The following ARL15 variants were observed in gnomAD, a reference collection of about 807,000 sequenced individuals.
ARL15 encodes the protein ADP-ribosylation factor-like protein 15.
A neutral mutation model predicts 25.2 loss-of-function variants in ARL15; 19 were observed. That is an observed-to-expected ratio of 0.75 (90% confidence interval 0.53 to 1.10). The LOEUF (loss-of-function observed/expected upper bound fraction) is 1.10. ARL15 is among the 50% of genes least tolerant of loss of function. The probability of loss-of-function intolerance (pLI) is 0.00; values close to 1 mark genes in which losing one functional copy is unlikely to be tolerated. For missense variants in ARL15, 220 were observed against 246.0 expected, an observed-to-expected ratio of 0.89 and a Z score of 0.71; for synonymous variants, 94 against 86.8, an observed-to-expected ratio of 1.08 and a Z score of -0.46.
chr5:53,930,125 AAAAAT>A (rs1382301059), intron 4 of ARL15, among the ~76,000 whole-genome samples: 2 of 152,344 alleles, frequency 1.3e-5, no homozygotes, highest in Middle Eastern at 3.4e-3. Flanking sequence ...TACAATAATA[AAAAAT>A]AAAATATTTT....
At chr5:54,310,135 C>A (rs750269879) in intron 1 of ARL15, among the ~76,000 whole-genome samples, 8 of 152,204 alleles carry the variant, frequency 5.3e-5, no homozygotes, top group Non-Finnish European at 1.2e-4. Context: ...GGAAGCCGAT[C>A]GCGGGCAGGG....
chr5:54,053,522 T>C (rs994944006), intron 4 of ARL15, among the ~76,000 whole-genome samples: 1 of 152,094 alleles, frequency 6.6e-6, no homozygotes, highest in African/African-American at 2.4e-5. Context: ...AGAGTGGCTC[T>C]AGAGTGGAAA....
chr5:53,947,147 CA>C (rs1746766082), intron 4 of ARL15, among the ~76,000 whole-genome samples: 1 of 139,026 alleles, frequency 7.2e-6, no homozygotes, highest in Non-Finnish European at 1.5e-5. Flanking sequence ...AAGGTCTAGC[CA>C]AAGAGAAAAA....
rs908513879 is a variant in ARL15, at chr5:54,221,868, C to A, written c.49-49940G>T. The stretch of plus-strand genomic sequence containing the variant: ...ACACACACACACACACACACACACA[C>A]ACAAAACCCTCATGCACATGTGTGC... On this transcript the variant is annotated intron_variant, in intron 1 of 4. Transcript: ENST00000504924. 6.6e-3 allele frequency among the ~76,000 whole-genome samples: 947 copies of A among 143,218 alleles called. 13 individuals are homozygous for A. The highest frequency in any genetic ancestry group is 0.023 in the African/African-American group (854 of 37,948). The allele number at this position is 143,218 out of a possible 152,430, so 94.0% of individuals were successfully genotyped here. A position where few individuals can be genotyped will look rare whatever the true frequency, so the allele number is the denominator to read the frequency against.
chr5:54,309,100 C>T (rs1374056333), intron 1 of ARL15, among the ~76,000 whole-genome samples: 1 of 152,210 alleles, frequency 6.6e-6, no homozygotes, highest in Non-Finnish European at 1.5e-5. Flanking sequence ...TGTTCATAAT[C>T]AGATAATCCC....
At chr5:54,224,187 T>C (rs1222227834) in intron 1 of ARL15, among the ~76,000 whole-genome samples, 1 of 152,126 alleles carries the variant, frequency 6.6e-6, no homozygotes, top group Admixed American at 6.5e-5. Context: ...CCAGAGGATA[T>C]GTGGGCTGAA....
chr5:54,291,064 A>G (rs1758307692), intron 1 of ARL15, among the ~76,000 whole-genome samples: 1 of 152,240 alleles, frequency 6.6e-6, no homozygotes, highest in East Asian at 1.9e-4. Context: ...ACAACCACTT[A>G]AAGGTTCAAA....
At chr5:54,009,581 T>C (rs904031503) in intron 4 of ARL15, among the ~76,000 whole-genome samples, 2 of 152,218 alleles carry the variant, frequency 1.3e-5, no homozygotes, top group African/African-American at 2.4e-5. Flanking sequence ...TACAACACTA[T>C]GGACTGCGAA....
chr5:54,048,488 C>T (rs182865078), intron 4 of ARL15, among the ~76,000 whole-genome samples: 4,958 of 149,974 alleles, frequency 0.033, 96 homozygotes, highest in Non-Finnish European at 0.055. Flanking sequence ...CTGCAACCTC[C>T]GCCTCCTGGG....
intron 1 of ARL15, among the ~76,000 whole-genome samples, chr5:54,291,068 G>A (rs1054819110): frequency 1.3e-5 from 2 of 152,118 alleles, no homozygotes; most frequent in Non-Finnish European, 2.9e-5. Flanking sequence ...CCACTTAAAG[G>A]TTCAAAAAAA....
chr5:53,951,973 G>C (rs915472849), intron 4 of ARL15, among the ~76,000 whole-genome samples: 1 of 150,932 alleles, frequency 6.6e-6, no homozygotes, highest in Non-Finnish European at 1.5e-5. Flanking sequence ...AATTGTGTGT[G>C]AAAGAGGAGA....
chr5:54,292,745 T>C (rs1197079837), intron 1 of ARL15, among the ~76,000 whole-genome samples: 1 of 152,182 alleles, frequency 6.6e-6, no homozygotes, highest in African/African-American at 2.4e-5. Context: ...TAGGTATTTT[T>C]ATACTGTCGT....
chr5:53,939,701 C>T (rs993535722), intron 4 of ARL15, among the ~76,000 whole-genome samples: 1 of 151,716 alleles, frequency 6.6e-6, no homozygotes, highest in Non-Finnish European at 1.5e-5. Flanking sequence ...CGCTACTGCA[C>T]TCCAGCCTGG....
Position 54,302,257 on chromosome 5 carries a change from T to C in ARL15, c.48+8175A>G, listed in dbSNP as rs75138231. Among the ~76,000 whole-genome samples, 70 of 152,278 alleles carry C rather than the reference T, an allele frequency of 4.6e-4. No homozygotes were observed. In the East Asian group the frequency reaches 0.013, roughly 27 times the overall value. The stretch of plus-strand genomic sequence containing the variant: ...TCCTCTCAACAATTATTAATTATAA[T>C]AGTTAAGCAGCACCGAAGAATGCTC... On this transcript the variant is annotated intron_variant, in intron 1 of 4. Transcript: ENST00000504924.
intron 1 of ARL15, among the ~76,000 whole-genome samples, chr5:54,198,190 T>C (rs1459880478): frequency 1.3e-5 from 2 of 152,174 alleles, no homozygotes; most frequent in Non-Finnish European, 2.9e-5. Context: ...GCCAATATCA[T>C]ACTGAATGGG....
At chr5:54,226,615 A>G (rs1756524433) in intron 1 of ARL15, among the ~76,000 whole-genome samples, 1 of 152,118 alleles carries the variant, frequency 6.6e-6, no homozygotes, top group Non-Finnish European at 1.5e-5. Flanking sequence ...GACTGTTAAA[A>G]ATAATCTTTC....
intron 4 of ARL15, among the ~76,000 whole-genome samples, chr5:53,939,912 AAACAACAACAAC>A (rs149253791): frequency 1.3e-5 from 2 of 150,488 alleles, no homozygotes; most frequent in Non-Finnish European, 2.9e-5. Flanking sequence ...TATCCAGAAA[AAACAACAACAAC>A]AACAACAACA....
chr5:54,086,960 T>G (rs428213), intron 4 of ARL15, among the ~76,000 whole-genome samples: 34,984 of 152,122 alleles, frequency 0.23, 4,327 homozygotes, highest in East Asian at 0.51. Context: ...ATTTTCATGG[T>G]TTTAATAATT....
intron 4 of ARL15, among the ~76,000 whole-genome samples, chr5:54,009,176 T>G (rs1378453660): frequency 6.6e-6 from 1 of 152,206 alleles, no homozygotes; most frequent in African/African-American, 2.4e-5. Flanking sequence ...ATGAAAGATC[T>G]CCCTGCATTT....
Sources: gnomAD v4.1 joint callset for allele counts (sites outside exome capture counted in the v4.1 genomes callset) on GRCh38, gnomAD v4.1.1 for gene constraint, MANE v1.5 for transcripts, NCBI Gene and HGNC (gene_info 2026-07-23, HGNC 2026-07-21) for gene names.